Variants in DUSP10 observed in about 807,000 individuals in gnomAD.
DUSP10 encodes the protein dual specificity protein phosphatase 10.
A neutral mutation model predicts 30.8 loss-of-function variants in DUSP10; 14 were observed. That is an observed-to-expected ratio of 0.46 (90% CI 0.30 to 0.71). The LOEUF (loss-of-function observed/expected upper bound fraction) is 0.71. Among genes scored for constraint, DUSP10 ranks in the 30% least tolerant of loss-of-function variants. The pLI, the probability that DUSP10 is intolerant of heterozygous loss-of-function variation, is 0.08. For missense variants in DUSP10, 550 were observed against 619.4 expected, an observed-to-expected ratio of 0.89 and a Z score of 1.19; for synonymous variants, 254 against 250.4, an observed-to-expected ratio of 1.01 and a Z score of -0.14.
At chr1:221,721,842 C>T (rs1558122052) in intron 2 of DUSP10, among the ~76,000 whole-genome samples, 1 of 152,136 alleles carries the variant, frequency 6.6e-6, no homozygotes, top group South Asian at 2.1e-4. Flanking sequence ...ATTTATTAAG[C>T]ACTAAATATG....
Position 221,739,355 on chromosome 1 carries a change from T to C in DUSP10, c.390A>G (p.Ser130=). 6.2e-7 allele frequency: 1 copy of C among 1,614,090 alleles called. No individual in the cohort carries two copies. Among genetic ancestry groups the C allele is most frequent in the Non-Finnish European group, 8.5e-7 (1 of 1,179,950 alleles). ...NNENTGSLSP[S]SGVGSPVSGT... is the part of the protein sequence containing the mutation. ...CTGACACAGGGCTGCCCACCCCACT[T>C]GATGGACTTAGAGAGCCTGTATTCT... Residue 130 remains serine, a synonymous_variant, in exon 2 of 4, where the codon TCA becomes TCG. Transcript: ENST00000366899.
chr1:221,705,213 G>A (rs1315045527), intron 3 of DUSP10, among the ~76,000 whole-genome samples: 7 of 151,556 alleles, frequency 4.6e-5, no homozygotes, highest in Non-Finnish European at 7.4e-5. Flanking sequence ...AGGCTCAAGC[G>A]ATTCTCCTGC....
Position 221,706,430 on chromosome 1 carries a change from A to C in DUSP10, c.848T>G (p.Leu283Arg). The change falls in exon 3 of 4, where the codon CTC becomes CGC. Residue 283 changes from leucine (L) to arginine (R), a missense_variant. Coordinates refer to ENST00000366899, the MANE Select transcript of DUSP10 (RefSeq NM_007207.6). This position sits in a 1 kb window ranked among gnomAD's most constrained non-coding sequence, Gnocchi z 4.6. ...TTGGAGCTGGAGGGAGTTGTCACAG[A>C]GGTTTTCATGGTTCTGCTTAAAACT... ...LSSFKQNHENLCDNSLQLQEC... is the reference protein window; with the variant it reads ...LSSFKQNHENRCDNSLQLQEC... 2.0e-6 allele frequency: 3 copies of C among 1,534,974 alleles called. No individual in the cohort carries two copies. Among genetic ancestry groups the C allele is most frequent in the Non-Finnish European group, 2.6e-6 (3 of 1,141,466 alleles).
At chr1:221,708,828 T>C (rs1159782846) in intron 2 of DUSP10, among the ~76,000 whole-genome samples, 1 of 152,320 alleles carries the variant, frequency 6.6e-6, no homozygotes, top group East Asian at 1.9e-4. Context: ...GATTCTGTGA[T>C]GGGAACCTAA....
intron 2 of DUSP10, among the ~76,000 whole-genome samples, chr1:221,735,826 G>A (rs996439704): frequency 1.3e-5 from 2 of 152,198 alleles, no homozygotes; most frequent in African/African-American, 4.8e-5. Flanking sequence ...GGTAGCTCTC[G>A]TTATGGATGG....
chr1:221,726,961 C>T (rs1661440996), intron 2 of DUSP10, among the ~76,000 whole-genome samples: 1 of 152,036 alleles, frequency 6.6e-6, no homozygotes, highest in Non-Finnish European at 1.5e-5. Context: ...AGCTAGTATG[C>T]ATTCGTTATT....
At chr1:221,736,641 C>T (rs1402877608) in intron 2 of DUSP10, among the ~76,000 whole-genome samples, 1 of 152,168 alleles carries the variant, frequency 6.6e-6, no homozygotes, top group Non-Finnish European at 1.5e-5. Context: ...GAAAGGATAA[C>T]GAAGGGCATT....
intron 2 of DUSP10, among the ~76,000 whole-genome samples, chr1:221,730,316 C>G (rs1008543721): frequency 2.0e-5 from 3 of 152,202 alleles, no homozygotes; most frequent in African/African-American, 7.2e-5. Flanking sequence ...CATTATAACA[C>G]GAGAGGTTTA....
At chr1:221,709,341 G>A (rs1246195555) in intron 2 of DUSP10, among the ~76,000 whole-genome samples, 1 of 152,024 alleles carries the variant, frequency 6.6e-6, no homozygotes, top group African/African-American at 2.4e-5. Flanking sequence ...AGTGGGGGGA[G>A]GAGGGAATTT....
At chr1:221,731,800 G>T (rs1405300218) in intron 2 of DUSP10, among the ~76,000 whole-genome samples, 2 of 151,444 alleles carry the variant, frequency 1.3e-5, no homozygotes, top group Non-Finnish European at 2.9e-5. Context: ...GTAGAGACGG[G>T]GTTTCACCAT....
At chr1:221,723,683 G>A (rs1221316383) in intron 2 of DUSP10, among the ~76,000 whole-genome samples, 1 of 152,210 alleles carries the variant, frequency 6.6e-6, no homozygotes, top group African/African-American at 2.4e-5. Flanking sequence ...AAATCAGGAA[G>A]AGCCAGATAA....
chr1:221,709,314 A>G (rs1045375540), intron 2 of DUSP10, among the ~76,000 whole-genome samples: 14 of 140,462 alleles, frequency 1.0e-4, no homozygotes, highest in Non-Finnish European at 1.5e-4. Context: ...TAATGGGGGG[A>G]AAAAAACCCG....
intron 2 of DUSP10, among the ~76,000 whole-genome samples, chr1:221,731,901 C>A (rs548620434): frequency 1.3e-5 from 2 of 151,810 alleles, no homozygotes; most frequent in South Asian, 4.2e-4. Context: ...GCCACCACAC[C>A]CGGCTGGCTA....
intron 3 of DUSP10, among the ~76,000 whole-genome samples, chr1:221,705,745 C>G (rs763452833): frequency 2.0e-5 from 3 of 152,196 alleles, no homozygotes; most frequent in Admixed American, 6.5e-5. Context: ...GCAGTAGCAC[C>G]AGCTCTGACC....
chr1:221,728,295 ATC>A (rs558896917), intron 2 of DUSP10, among the ~76,000 whole-genome samples: 83 of 152,358 alleles, frequency 5.4e-4, no homozygotes, highest in African/African-American at 1.9e-3. Context: ...TATAGTTGAT[ATC>A]TGAGAGGACA....
chr1:221,727,433 T>A (rs1661456249), intron 2 of DUSP10, among the ~76,000 whole-genome samples: 1 of 152,232 alleles, frequency 6.6e-6, no homozygotes, highest in South Asian at 2.1e-4. Flanking sequence ...CTAATAGCTA[T>A]TTATATCCTC....
intron 2 of DUSP10, among the ~76,000 whole-genome samples, chr1:221,724,418 C>T (rs1661365946): frequency 6.6e-6 from 1 of 152,052 alleles, no homozygotes; most frequent in Non-Finnish European, 1.5e-5. Context: ...TTTTTCTTAA[C>T]ATGTGCAAAT....
chr1:221,731,736 G>A lies in DUSP10; in HGVS notation c.811+7198C>T, dbSNP rs143129591. Among the ~76,000 whole-genome samples the A allele has an allele frequency of 4.9e-3, 742 of 151,094 alleles. 5 individuals are homozygous for A. Among genetic ancestry groups the A allele is most frequent in the African/African-American group, 0.017 (700 of 41,072 alleles). On this transcript the variant is annotated intron_variant, in intron 2 of 3. Transcript: ENST00000366899. ...CAATTCTCCTGCCTCAGCCTCCCGAGTAGCTGGGACTACAGGTGTGCACCA... is the reference window on the plus strand; with the variant it reads ...CAATTCTCCTGCCTCAGCCTCCCGAATAGCTGGGACTACAGGTGTGCACCA...
At chr1:221,705,987 G>A (rs1259076212) in intron 3 of DUSP10, 108 bp downstream of exon 3, 3 of 1,472,122 alleles carry the variant, frequency 2.0e-6, no homozygotes, top group African/African-American at 2.8e-5. Flanking sequence ...AAACTCCAGG[G>A]CAGCTTTTCT....
Sources: allele counts gnomAD v4.1 joint callset (sites outside exome capture counted in the v4.1 genomes callset), GRCh38; gene constraint gnomAD v4.1.1; non-coding constraint Gnocchi (gnomAD v3.1); transcripts MANE v1.5; gene names NCBI Gene and HGNC (gene_info 2026-07-23, HGNC 2026-07-21).